Variants in LBH observed in about 807,000 individuals in gnomAD.
The protein encoded by LBH is LBH regulator of Wnt signaling pathway.
Under a neutral mutation model 12.5 loss-of-function variants are expected in LBH, and 7 were observed. The ratio of observed to expected loss-of-function variants is 0.56; its 90% confidence interval spans 0.32 to 1.05. The LOEUF (loss-of-function observed/expected upper bound fraction) is 1.05, where lower values mean the gene tolerates loss of function less well. Ranked by LOEUF, LBH falls within the 50% of genes least tolerant of loss-of-function variation. LBH has a pLI of 0.04. For synonymous variants in LBH, 51 were observed against 50.1 expected, an observed-to-expected ratio of 1.02 and a Z score of -0.08; for missense variants, 119 against 138.9, an observed-to-expected ratio of 0.86 and a Z score of 0.72.
chr2:30,236,244 C>T (rs923257429), intron 2 of LBH, among the ~76,000 whole-genome samples: 4 of 152,238 alleles, frequency 2.6e-5, no homozygotes, highest in African/African-American at 9.6e-5. Context: ...TGCTTCGAGT[C>T]CTTCAGGCCA....
chr2:30,248,256 A>G (rs1018734437), intron 2 of LBH, among the ~76,000 whole-genome samples: 1 of 152,120 alleles, frequency 6.6e-6, no homozygotes, highest in African/African-American at 2.4e-5. Context: ...GCGTGGGGCA[A>G]AAAAATTTTT....
intron 1 of LBH, 146 bp from the exon 2 acceptor site, chr2:30,234,259 T>G: frequency 1.2e-5 from 8 of 656,480 alleles, no homozygotes; most frequent in Non-Finnish European, 1.9e-5. Context: ...CCTCAGGGTG[T>G]GAGCTTGTTT....
chr2:30,255,301 G>A (rs1295092678), intron 2 of LBH, among the ~76,000 whole-genome samples: 3 of 152,106 alleles, frequency 2.0e-5, no homozygotes, highest in Non-Finnish European at 4.4e-5. Context: ...GGCGCTCCTC[G>A]CTCGGCACAT....
chr2:30,254,098 G>T (rs142970134), intron 2 of LBH, among the ~76,000 whole-genome samples: 83 of 152,230 alleles, frequency 5.5e-4, no homozygotes, highest in Middle Eastern at 3.4e-3. Flanking sequence ...AGTAGTCCCC[G>T]TTATCTCTGG....
chr2:30,241,147 G>A (rs747473001), intron 2 of LBH, among the ~76,000 whole-genome samples: 15 of 152,162 alleles, frequency 9.9e-5, no homozygotes, highest in Non-Finnish European at 1.6e-4. Flanking sequence ...ATGTAGCCCT[G>A]CATACAAGCC....
intron 2 of LBH, among the ~76,000 whole-genome samples, chr2:30,250,547 C>T (rs952665070): frequency 9.9e-5 from 15 of 151,278 alleles, no homozygotes; most frequent in African/African-American, 2.7e-4. Context: ...TGACCAGGAG[C>T]GCTCACATTT....
intron 2 of LBH, among the ~76,000 whole-genome samples, chr2:30,236,941 G>GT (rs1355943952): frequency 8.2e-6 from 1 of 122,332 alleles, no homozygotes; most frequent in East Asian, 2.7e-4. Flanking sequence ...TTATGCCAGG[G>GT]GCAGGGCTGT....
chr2:30,248,952 A>G (rs957474184), intron 2 of LBH, among the ~76,000 whole-genome samples: 30 of 150,890 alleles, frequency 2.0e-4, no homozygotes, highest in Admixed American at 1.1e-3. Flanking sequence ...CAGTTGTTAT[A>G]AGCCCCAAAT....
intron 2 of LBH, among the ~76,000 whole-genome samples, chr2:30,250,890 A>G (rs1677967498): frequency 1.3e-5 from 2 of 152,098 alleles, no homozygotes; most frequent in African/African-American, 4.8e-5. Context: ...CATCGTCCGC[A>G]TACTAAATCA....
intron 2 of LBH, among the ~76,000 whole-genome samples, chr2:30,248,602 C>T (rs2103561065): frequency 6.6e-6 from 1 of 152,262 alleles, no homozygotes; most frequent in South Asian, 2.1e-4. Flanking sequence ...CCACAGATGC[C>T]TGGAGGTGAC....
At position 30,245,430 on chromosome 2, in the gene LBH, G is replaced by A. The variant is rs148580589; in HGVS notation, c.129+10923G>A. 1.6e-3 allele frequency among the ~76,000 whole-genome samples: 250 copies of A among 152,298 alleles called. 1 individual carries two copies. The South Asian group carries it at 0.019, about 11-fold the overall frequency. On this transcript the variant is annotated intron_variant, in intron 2 of 2. Transcript: ENST00000395323. ...CCACTGGGGACTACACTAGAAGTTC[G>A]GAAACCATGGATACGTACACTTTCT...
In LBH at chr2:30,258,644, C is replaced by T. The variant is rs1678128205; in HGVS notation, c.*1023C>T. On this transcript the variant is annotated 3_prime_UTR_variant, in exon 3 of 3. Transcript: ENST00000395323. ...GGTCCCCAGCTCACCTATGGATTCC[C>T]GCCAGTCTGCCCAGCTGCAGTACTC... 6.6e-6 allele frequency: 1 copy of T among 152,480 alleles called. No homozygotes were observed. Among genetic ancestry groups the T allele is most frequent in the African/African-American group, 2.4e-5 (1 of 41,446 alleles). 9.4% of individuals were successfully genotyped at this position (152,480 alleles called of 1,614,324 possible). A position where few individuals can be genotyped will look rare whatever the true frequency, so the allele number is the denominator to read the frequency against.
rs539480897 is a variant in LBH at position 30,237,016 on chromosome 2, C to T, written c.129+2509C>T. Reference sequence around the variant, plus strand: ...CTCCGGGCCCACTCAAAGCTAGTGCCGTCCAATTAGACACATTCCCACCAG... The same window carrying T: ...CTCCGGGCCCACTCAAAGCTAGTGCTGTCCAATTAGACACATTCCCACCAG... On this transcript the variant is annotated intron_variant, in intron 2 of 2. Transcript: ENST00000395323. Among the ~76,000 whole-genome samples the T allele has an allele frequency of 4.1e-4, 62 of 152,328 alleles. No individual in the cohort carries two copies. In the South Asian group the frequency reaches 0.011, roughly 28 times the overall value.
intron 1 of LBH, chr2:30,232,426 G>T (rs1373564947): frequency 1.5e-5 from 9 of 617,452 alleles, no homozygotes; most frequent in Non-Finnish European, 2.3e-5. Flanking sequence ...GGCCGGGCGC[G>T]GGGCGTCGGA....
chr2:30,255,864 T>A lies in LBH; in HGVS notation c.130-1569T>A, dbSNP rs570943039. On this transcript the variant is annotated intron_variant, in intron 2 of 2. Coordinates refer to ENST00000395323, the MANE Select transcript of LBH (RefSeq NM_030915.4). ...AGGCAGCCCCCCAGATCTCTTCAAA[T>A]GTGTCTCCACCCACTCAAAGTTTTG... Among the ~76,000 whole-genome samples the A allele has an allele frequency of 7.2e-5, 11 of 152,320 alleles. No individual in the cohort carries two copies. In the South Asian group the frequency reaches 2.3e-3, roughly 32 times the overall value.
At chr2:30,240,311 A>G (rs541537199) in intron 2 of LBH, among the ~76,000 whole-genome samples, 1 of 152,248 alleles carries the variant, frequency 6.6e-6, no homozygotes, top group South Asian at 2.1e-4. Context: ...GATAGAAAGG[A>G]TGGTACTGTT....
At chr2:30,231,886 C>G (rs868710145) in intron 1 of LBH, 122 bp downstream of exon 1, 3 of 841,956 alleles carry the variant, frequency 3.6e-6, no homozygotes, top group Non-Finnish European at 4.9e-6. Flanking sequence ...AGCGCTAACC[C>G]GCCGCCCGAG....
At chr2:30,234,675 A>G (rs1006061502) in intron 2 of LBH, among the ~76,000 whole-genome samples, 168 bp downstream of exon 2, 1 of 152,212 alleles carries the variant, frequency 6.6e-6, no homozygotes, top group Non-Finnish European at 1.5e-5. Flanking sequence ...AAATGGGGCA[A>G]CAATCGTCCT....
intron 2 of LBH, among the ~76,000 whole-genome samples, chr2:30,251,485 G>C (rs72787718): frequency 6.6e-6 from 1 of 151,244 alleles, no homozygotes; most frequent in African/African-American, 2.4e-5. Context: ...GGATGCCTCC[G>C]AAGAGGTGTC....
Sources: allele counts gnomAD v4.1 joint callset (sites outside exome capture counted in the v4.1 genomes callset), GRCh38; gene constraint gnomAD v4.1.1; transcripts MANE v1.5; gene names NCBI Gene and HGNC (gene_info 2026-07-23, HGNC 2026-07-21).